MDFIC2: variants seen among roughly 807,000 people sequenced by gnomAD.
MDFIC2 encodes the protein MyoD family inhibitor domain containing 2.
intron 2 of MDFIC2, among the ~76,000 whole-genome samples, chr3:70,251,763 T>C (rs535119308): frequency 3.9e-5 from 6 of 152,338 alleles, no homozygotes; most frequent in African/African-American, 1.4e-4. Flanking sequence ...ATGAGGAACC[T>C]GTAGAACGGA....
At chr3:70,298,327 A>T (rs1702311088) in intron 2 of MDFIC2, among the ~76,000 whole-genome samples, 1 of 152,104 alleles carries the variant, frequency 6.6e-6, no homozygotes, top group Non-Finnish European at 1.5e-5. Flanking sequence ...AGATAAGCAA[A>T]CAAAATAAGA....
chr3:70,214,590 T>C (rs1389519600), intron 2 of MDFIC2, among the ~76,000 whole-genome samples: 1 of 135,570 alleles, frequency 7.4e-6, no homozygotes, highest in African/African-American at 2.8e-5. Flanking sequence ...ACTTCAATTT[T>C]TGGGGGCTGA....
At chr3:70,200,170 G>A (rs1168792526) in intron 3 of MDFIC2, among the ~76,000 whole-genome samples, 3 of 152,222 alleles carry the variant, frequency 2.0e-5, no homozygotes, top group Non-Finnish European at 2.9e-5. Context: ...TTTAGCTCTG[G>A]CCACCATCAG....
chr3:70,248,352 A>T (rs1357342918), intron 2 of MDFIC2, among the ~76,000 whole-genome samples: 2 of 152,062 alleles, frequency 1.3e-5, no homozygotes, highest in African/African-American at 4.8e-5. Flanking sequence ...TGGAGAAAAA[A>T]TTTTGAAAAG....
At chr3:70,249,357 G>A (rs1470712706) in intron 2 of MDFIC2, among the ~76,000 whole-genome samples, 2 of 152,116 alleles carry the variant, frequency 1.3e-5, no homozygotes, top group Non-Finnish European at 2.9e-5. Context: ...TGTCTAAGGG[G>A]GGGATCTATC....
At chr3:70,290,123 G>A (rs1293370911) in intron 2 of MDFIC2, among the ~76,000 whole-genome samples, 1 of 152,046 alleles carries the variant, frequency 6.6e-6, no homozygotes, top group East Asian at 1.9e-4. Context: ...TCCTTTGTAG[G>A]AGGAGAGGCG....
intron 2 of MDFIC2, among the ~76,000 whole-genome samples, chr3:70,251,386 A>G (rs1291052292): frequency 6.6e-6 from 1 of 152,170 alleles, no homozygotes; most frequent in African/African-American, 2.4e-5. Context: ...TGATTTTTTT[A>G]TCTGACTATG....
chr3:70,230,427 C>A (rs758099030), intron 2 of MDFIC2, among the ~76,000 whole-genome samples: 19 of 152,012 alleles, frequency 1.2e-4, no homozygotes, highest in Non-Finnish European at 2.8e-4. Context: ...TATTTTTTGA[C>A]CACTAGAACT....
intron 2 of MDFIC2, among the ~76,000 whole-genome samples, chr3:70,294,469 A>T (rs1702271035): frequency 6.6e-6 from 1 of 152,162 alleles, no homozygotes; most frequent in Non-Finnish European, 1.5e-5. Context: ...CAGTTTCAAA[A>T]AAGTCAGAAA....
chr3:70,260,041 G>A (rs564721464), intron 2 of MDFIC2, among the ~76,000 whole-genome samples: 1 of 152,064 alleles, frequency 6.6e-6, no homozygotes, highest in South Asian at 2.1e-4. Flanking sequence ...TGACACATGG[G>A]GATTATAGGT....
At chr3:70,274,642 G>C (rs374346213) in intron 2 of MDFIC2, among the ~76,000 whole-genome samples, 1 of 152,098 alleles carries the variant, frequency 6.6e-6, no homozygotes, top group South Asian at 2.1e-4. Context: ...ATGGAGCGGT[G>C]GGGAGGGAGA....
intron 2 of MDFIC2, among the ~76,000 whole-genome samples, chr3:70,216,311 T>TA (rs1233442632): frequency 4.0e-5 from 6 of 150,434 alleles, no homozygotes; most frequent in African/African-American, 1.2e-4. Context: ...CTACATATTC[T>TA]AATTATAATT....
chr3:70,263,345 T>C (rs1161323796), intron 2 of MDFIC2, among the ~76,000 whole-genome samples: 3 of 152,218 alleles, frequency 2.0e-5, no homozygotes, highest in Non-Finnish European at 4.4e-5. Flanking sequence ...GTGATCAATA[T>C]AGTTCTTTTT....
At chr3:70,292,493 C>T (rs1243281700) in intron 2 of MDFIC2, among the ~76,000 whole-genome samples, 2 of 151,986 alleles carry the variant, frequency 1.3e-5, no homozygotes, top group East Asian at 3.9e-4. Flanking sequence ...AAAGATGAAG[C>T]TTGAATTCAA....
chr3:70,222,397 A>C (rs1701467862), intron 2 of MDFIC2, among the ~76,000 whole-genome samples: 1 of 152,192 alleles, frequency 6.6e-6, no homozygotes. Flanking sequence ...TGAGTTATAG[A>C]AAACTATACA....
chr3:70,270,253 T>C (rs927504933), intron 2 of MDFIC2, among the ~76,000 whole-genome samples: 7 of 152,312 alleles, frequency 4.6e-5, no homozygotes, highest in African/African-American at 1.7e-4. Flanking sequence ...CTTTCAAGTT[T>C]CTAAGGTACA....
At position 70,223,605 on chromosome 3, in the gene MDFIC2, G is replaced by T. The variant is rs1337612674; in HGVS notation, c.89-16815C>A. ...TGAAAAATTATTGTCCTTCGGGCAG[G>T]TACAATGAGTCTTACAGGCTATTTC... is the stretch of plus-strand genomic sequence containing the variant. On this transcript the variant is annotated intron_variant, in intron 2 of 3. Transcript: ENST00000567252. Among the ~76,000 whole-genome samples, 11 of 152,120 alleles carry T rather than the reference G, an allele frequency of 7.2e-5. 1 individual carries two copies. The highest frequency in any genetic ancestry group is 2.9e-5 in the Non-Finnish European group (2 of 68,022).
intron 2 of MDFIC2, among the ~76,000 whole-genome samples, chr3:70,225,006 G>T (rs944252151): frequency 6.6e-6 from 1 of 152,062 alleles, no homozygotes; most frequent in African/African-American, 2.4e-5. Flanking sequence ...ATGTTGATAC[G>T]TGTACTCAAG....
intron 3 of MDFIC2, among the ~76,000 whole-genome samples, chr3:70,199,953 C>T (rs1279071137): frequency 2.0e-5 from 3 of 152,222 alleles, no homozygotes; most frequent in African/African-American, 7.2e-5. Context: ...TCTCCCCAGT[C>T]CTACAAATCT....
Sources: allele counts gnomAD v4.1 joint callset (sites outside exome capture counted in the v4.1 genomes callset), GRCh38; gene constraint gnomAD v4.1.1; transcripts MANE v1.5; gene names NCBI Gene and HGNC (gene_info 2026-07-23, HGNC 2026-07-21).